Variants in CEP15 observed in about 807,000 individuals in gnomAD.
CEP15 encodes centrosomal protein 15 kDa.
At chr3:62,321,982 C>G in the CEP15 span, 3 of 1,608,428 alleles carry the variant, frequency 1.9e-6, no homozygotes, top group East Asian at 6.7e-5. The surrounding 1 kb of genome is among the most constrained non-coding windows in gnomAD (Gnocchi z 4.1). Flanking sequence ...ATTGGGTGAT[C>G]AACACACAGA....
chr3:62,328,837 G>C, the CEP15 span, among the ~76,000 whole-genome samples: 1 of 151,910 alleles, frequency 6.6e-6, no homozygotes, highest in Non-Finnish European at 1.5e-5. Flanking sequence ...TCAAAGGAAA[G>C]GTTCTTATAT....
chr3:62,326,272 C>T, the CEP15 span, among the ~76,000 whole-genome samples: 5 of 152,164 alleles, frequency 3.3e-5, no homozygotes, highest in Non-Finnish European at 5.9e-5. Flanking sequence ...TTCCTTCTTA[C>T]ATTTCTCACC....
chr3:62,331,770 C>T, the CEP15 span, among the ~76,000 whole-genome samples: 2 of 151,992 alleles, frequency 1.3e-5, no homozygotes, highest in African/African-American at 2.4e-5. Context: ...CAGTTTAGTC[C>T]CTTCACCAAA....
the CEP15 span, chr3:62,334,285 G>GACT: frequency 2.0e-5 from 3 of 150,806 alleles, no homozygotes; most frequent in East Asian, 5.8e-4. The surrounding 1 kb of genome is among the most constrained non-coding windows in gnomAD (Gnocchi z 4.9). Flanking sequence ...TCCAGCTATA[G>GACT]AGGCAGCCTC....
the CEP15 span, among the ~76,000 whole-genome samples, chr3:62,326,427 AT>A: frequency 1.6e-4 from 25 of 152,324 alleles, no homozygotes; most frequent in Admixed American, 1.3e-3. Context: ...CCATAGCTGG[AT>A]TCACTGTATA....
At chr3:62,324,280 C>G in the CEP15 span, 1 of 152,086 alleles carries the variant, frequency 6.6e-6, no homozygotes, top group Admixed American at 6.6e-5. Flanking sequence ...TTGGTCCCAG[C>G]TGCTTGGGAG....
the CEP15 span, among the ~76,000 whole-genome samples, chr3:62,326,897 T>A: frequency 6.6e-6 from 1 of 152,252 alleles, no homozygotes; most frequent in Non-Finnish European, 1.5e-5. Context: ...TTTACTATTT[T>A]AAGCAAAATC....
At chr3:62,334,470 G>C in the CEP15 span, 1 of 152,032 alleles carries the variant, frequency 6.6e-6, no homozygotes, top group Non-Finnish European at 1.5e-5. This position sits in a 1 kb window ranked among gnomAD's most constrained non-coding sequence, Gnocchi z 4.9. Context: ...GAAATATCCT[G>C]TTGAGTGGGT....
At chr3:62,332,894 G>A in the CEP15 span, among the ~76,000 whole-genome samples, 3 of 151,976 alleles carry the variant, frequency 2.0e-5, no homozygotes, top group African/African-American at 7.2e-5. Flanking sequence ...TTTGGTATGG[G>A]ATTTGGAATA....
At chr3:62,320,541 G>C in the CEP15 span, 7 of 1,589,710 alleles carry the variant, frequency 4.4e-6, no homozygotes, top group Non-Finnish European at 6.0e-6. Context: ...TTTTTTAAAG[G>C]GATGATTCAG....
the CEP15 span, among the ~76,000 whole-genome samples, chr3:62,320,937 C>A: frequency 6.6e-6 from 1 of 152,152 alleles, no homozygotes; most frequent in Admixed American, 6.6e-5. Flanking sequence ...GTAGCCAGTC[C>A]TGCTCTTTGC....
At chr3:62,335,097 C>T in the CEP15 span, 2 of 152,046 alleles carry the variant, frequency 1.3e-5, no homozygotes, top group African/African-American at 2.4e-5. Context: ...GTGGTTGATA[C>T]ATTAACATCC....
chr3:62,323,404 A>G, the CEP15 span, among the ~76,000 whole-genome samples: 3 of 152,332 alleles, frequency 2.0e-5, no homozygotes, highest in African/African-American at 7.2e-5. Flanking sequence ...GATTCTTACA[A>G]AAGAGCCAAG....
the CEP15 span, chr3:62,335,249 A>G: frequency 1.3e-5 from 2 of 152,166 alleles, no homozygotes; most frequent in Non-Finnish European, 2.9e-5. Flanking sequence ...AACTTGCTAA[A>G]TAATTTTTGA....
the CEP15 span, among the ~76,000 whole-genome samples, chr3:62,330,679 A>C: frequency 6.6e-6 from 1 of 152,174 alleles, no homozygotes; most frequent in African/African-American, 2.4e-5. Context: ...ACTAGCTAGC[A>C]ATAAAACTTG....
chr3:62,324,027 T>TA, the CEP15 span: 2 of 152,140 alleles, frequency 1.3e-5, no homozygotes, highest in African/African-American at 4.8e-5. Context: ...ACTTTCCTCG[T>TA]ATGTTTTTAA....
the CEP15 span, among the ~76,000 whole-genome samples, chr3:62,330,869 T>C: frequency 6.6e-6 from 1 of 152,182 alleles, no homozygotes; most frequent in South Asian, 2.1e-4. Context: ...TGATACACTA[T>C]TTACATCATC....
chr3:62,324,110 C>T, the CEP15 span: 2 of 152,056 alleles, frequency 1.3e-5, no homozygotes, highest in African/African-American at 4.8e-5. Flanking sequence ...CTTAGCCGGG[C>T]ACAGTGGCTC....
chr3:62,329,637 T>C, the CEP15 span, among the ~76,000 whole-genome samples: 62,963 of 152,028 alleles, frequency 0.41, 13,905 homozygotes, highest in East Asian at 0.59. Context: ...TGTCTAACCA[T>C]AGGCCTGCTT....
Sources: gnomAD v4.1 joint callset for allele counts (sites outside exome capture counted in the v4.1 genomes callset) on GRCh38, gnomAD v4.1.1 for gene constraint, Gnocchi (gnomAD v3.1) non-coding constraint, MANE v1.5 for transcripts, NCBI Gene and HGNC (gene_info 2026-07-23, HGNC 2026-07-21) for gene names.